Variants in CDYL observed in about 807,000 individuals in gnomAD.
CDYL encodes the protein chromodomain Y like.
In CDYL, 8 loss-of-function variants were observed where a neutral mutation model predicts 47.3. The ratio of observed to expected loss-of-function variants is 0.17; its 90% CI spans 0.10 to 0.31. The LOEUF (loss-of-function observed/expected upper bound fraction) is 0.31. CDYL is among the 10% of genes least tolerant of loss of function. The pLI is 1.00. For synonymous variants in CDYL, 266 were observed against 265.0 expected, an observed-to-expected ratio of 1.00 and a Z score of -0.04; for missense variants, 471 against 701.4, an observed-to-expected ratio of 0.67 and a Z score of 3.71.
In CDYL at chr6:4,900,785, A is replaced by ATGTATG. The variant is rs1279182436; in HGVS notation, c.691+8407_691+8408insGTATGT. The stretch of plus-strand genomic sequence containing the variant: ...GTTAATTCCGTATACGTGTGTATAT[A>ATGTATG]TATATATATATATATATATATATAT... On this transcript the variant is annotated intron_variant, in intron 2 of 6. Transcript: ENST00000397588. Among the ~76,000 whole-genome samples, 245 of 31,518 alleles carry ATGTATG rather than the reference A, an allele frequency of 7.8e-3. 11 individuals are homozygous for ATGTATG. Among genetic ancestry groups the ATGTATG allele is most frequent in the East Asian group, 9.9e-3 (6 of 604 alleles). The allele number at this position is 31,518 out of a possible 152,430, so 20.7% of individuals were successfully genotyped here. A position where few individuals can be genotyped will look rare whatever the true frequency, so the allele number is the denominator to read the frequency against.
chr6:4,762,645 CAAAAAAAA>C (rs1173404314), intron 3 of CDYL, among the ~76,000 whole-genome samples: 17 of 39,650 alleles, frequency 4.3e-4, no homozygotes, highest in Admixed American at 1.5e-3. Flanking sequence ...TAAAGGGTAC[CAAAAAAAA>C]AAAAAAAAAA....
chr6:4,737,711 G>C (rs1393297169), intron 3 of CDYL, among the ~76,000 whole-genome samples: 3 of 151,982 alleles, frequency 2.0e-5, no homozygotes, highest in Non-Finnish European at 1.5e-5. Context: ...ATTTTTAGTA[G>C]AGACAGGGTT....
chr6:4,889,436 GCTGGTCTCAAACTC>G (rs1277354308), intron 1 of CDYL, among the ~76,000 whole-genome samples: 1 of 152,020 alleles, frequency 6.6e-6, no homozygotes, highest in Non-Finnish European at 1.5e-5. Context: ...TGTTGTCCAG[GCTGGTCTCAAACTC>G]CTGACCTCGT....
chr6:4,899,185 A>G (rs1561696532), intron 2 of CDYL, among the ~76,000 whole-genome samples: 1 of 152,228 alleles, frequency 6.6e-6, no homozygotes, highest in Admixed American at 6.5e-5. Context: ...TGTATGTAAA[A>G]ATGAATTAAA....
At chr6:4,798,948 T>G (rs1177598485) in intron 1 of CDYL, among the ~76,000 whole-genome samples, 1 of 152,242 alleles carries the variant, frequency 6.6e-6, no homozygotes, top group Admixed American at 6.5e-5. Context: ...AGCAGATACT[T>G]GCTTCTGCTC....
At chr6:4,767,825 C>T (rs909667678) in intron 3 of CDYL, among the ~76,000 whole-genome samples, 4 of 152,146 alleles carry the variant, frequency 2.6e-5, no homozygotes, top group Admixed American at 6.5e-5. Flanking sequence ...TTGGCATCAG[C>T]GAAGCAGGTC....
intron 1 of CDYL, among the ~76,000 whole-genome samples, chr6:4,835,786 G>A (rs1374608312): frequency 1.3e-5 from 2 of 152,180 alleles, no homozygotes; most frequent in African/African-American, 4.8e-5. Flanking sequence ...GCACTGGCCG[G>A]CGTCCCTCTC....
rs1405367337 is a variant in CDYL, at chr6:4,889,608, T to C, written c.25-2105T>C. 2.0e-5 allele frequency among the ~76,000 whole-genome samples: 3 copies of C among 152,168 alleles called. No homozygotes were observed. In the East Asian group the frequency reaches 5.8e-4, roughly 29 times the overall value. ...TATAAAATTCAAATTTTAGTGTCCA[T>C]AGATAGAGGGTTTTTTTGTTTTTGT... On this transcript the variant is annotated intron_variant, in intron 1 of 6. Coordinates refer to ENST00000397588, the MANE Select transcript of CDYL (RefSeq NM_004824.4).
intron 1 of CDYL, among the ~76,000 whole-genome samples, chr6:4,871,891 T>C (rs2127473549): frequency 6.6e-6 from 1 of 152,320 alleles, no homozygotes. Context: ...TGTGACAGTT[T>C]TGCTGTTAGG....
chr6:4,829,614 C>T (rs181966111), intron 1 of CDYL, among the ~76,000 whole-genome samples: 4 of 152,286 alleles, frequency 2.6e-5, no homozygotes, highest in African/African-American at 9.6e-5. Flanking sequence ...AAGAAACTCT[C>T]CTGCAGCTTT....
At chr6:4,872,461 A>G (rs565365827) in intron 1 of CDYL, among the ~76,000 whole-genome samples, 3 of 151,992 alleles carry the variant, frequency 2.0e-5, no homozygotes, top group Admixed American at 2.0e-4. Flanking sequence ...GGCTCACTGC[A>G]ACCTCCGCCT....
At chr6:4,771,433 A>G (rs1758336611), upstream of CDYL, among the ~76,000 whole-genome samples, 1 of 152,144 alleles carries the variant, frequency 6.6e-6, no homozygotes, top group African/African-American at 2.4e-5. Flanking sequence ...CACTTTGAAC[A>G]AGTCCCAAGG....
intron 3 of CDYL, among the ~76,000 whole-genome samples, chr6:4,762,442 T>G (rs1202224158): frequency 6.6e-6 from 1 of 151,722 alleles, no homozygotes; most frequent in Non-Finnish European, 1.5e-5. Flanking sequence ...TAACATGAAC[T>G]AATATCAATA....
intron 2 of CDYL, among the ~76,000 whole-genome samples, chr6:4,720,500 A>G (rs1285414611): frequency 6.6e-6 from 1 of 152,236 alleles, no homozygotes; most frequent in Non-Finnish European, 1.5e-5. Flanking sequence ...GGAAAATAAT[A>G]TTAACAACCA....
At chr6:4,831,847 G>A (rs1760154122) in intron 1 of CDYL, among the ~76,000 whole-genome samples, 2 of 152,064 alleles carry the variant, frequency 1.3e-5, no homozygotes, top group Admixed American at 1.3e-4. Flanking sequence ...ATTGTGAATG[G>A]GAGTTCACTC....
chr6:4,845,021 T>A (rs1760613976), intron 1 of CDYL, among the ~76,000 whole-genome samples: 1 of 152,230 alleles, frequency 6.6e-6, no homozygotes, highest in Non-Finnish European at 1.5e-5. Flanking sequence ...GCCATGAAAT[T>A]ATTCTTTCTA....
intron 1 of CDYL, among the ~76,000 whole-genome samples, chr6:4,872,095 T>G (rs1324321198): frequency 1.3e-5 from 2 of 152,236 alleles, no homozygotes; most frequent in Non-Finnish European, 2.9e-5. Flanking sequence ...TTGTGGGCTG[T>G]GGAACAGCTT....
chr6:4,713,435 C>A (rs1044024790), intron 1 of CDYL, among the ~76,000 whole-genome samples: 1 of 152,124 alleles, frequency 6.6e-6, no homozygotes, highest in Non-Finnish European at 1.5e-5. Context: ...TCAGGGCTCC[C>A]CGTGAAACTG....
chr6:4,926,629 C>G (rs752815257), intron 2 of CDYL, among the ~76,000 whole-genome samples: 2 of 152,140 alleles, frequency 1.3e-5, no homozygotes, highest in Non-Finnish European at 2.9e-5. Context: ...AGTGTAGTTT[C>G]AAGTGGTTTC....
Sources: allele counts gnomAD v4.1 joint callset (sites outside exome capture counted in the v4.1 genomes callset), GRCh38; gene constraint gnomAD v4.1.1; transcripts MANE v1.5; gene names NCBI Gene and HGNC (gene_info 2026-07-23, HGNC 2026-07-21).